Variants in SGCZ observed in about 807,000 individuals in gnomAD.
The protein encoded by SGCZ is sarcoglycan zeta.
In SGCZ, 40 loss-of-function variants were observed where a neutral mutation model predicts 41.3. That is an observed-to-expected ratio of 0.97 (90% CI 0.75 to 1.26). The LOEUF (loss-of-function observed/expected upper bound fraction) is 1.26, where lower values mean the gene tolerates loss of function less well. SGCZ is among the 50% of genes most tolerant of loss of function. SGCZ has a pLI of 0.00. For missense variants in SGCZ, 552 were observed against 369.8 expected (o/e 1.49, Z -4.04); for synonymous variants, 206 against 137.5 (o/e 1.50, Z -3.49).
intron 1 of SGCZ, among the ~76,000 whole-genome samples, chr8:14,653,824 T>C (rs1404764043): frequency 6.6e-6 from 1 of 152,090 alleles, no homozygotes; most frequent in Non-Finnish European, 1.5e-5. Context: ...AAACCCTCAG[T>C]TGTCTCAAAA....
intron 4 of SGCZ, among the ~76,000 whole-genome samples, chr8:14,206,453 T>C (rs538733739): frequency 6.9e-4 from 105 of 152,258 alleles, no homozygotes; most frequent in South Asian, 1.9e-3. Context: ...AAACATTAAA[T>C]AAATCACAGA....
chr8:14,606,728 C>G (rs1454195292), intron 1 of SGCZ, among the ~76,000 whole-genome samples: 3 of 152,138 alleles, frequency 2.0e-5, no homozygotes, highest in Admixed American at 6.6e-5. Context: ...ACAGCAAAAT[C>G]CCTGGCACAT....
At chr8:14,371,723 G>C (rs1400520684) in intron 2 of SGCZ, among the ~76,000 whole-genome samples, 1 of 152,076 alleles carries the variant, frequency 6.6e-6, no homozygotes, top group Non-Finnish European at 1.5e-5. Context: ...GTAACCTGGA[G>C]GTTATGCACT....
chr8:14,415,002 T>C (rs568489948), intron 2 of SGCZ, among the ~76,000 whole-genome samples: 4 of 151,884 alleles, frequency 2.6e-5, no homozygotes, highest in African/African-American at 9.7e-5. Context: ...TTTTGGAAAA[T>C]TGTGCTTAAT....
At chr8:14,428,546 C>T (rs1194638194) in intron 2 of SGCZ, among the ~76,000 whole-genome samples, 3 of 152,114 alleles carry the variant, frequency 2.0e-5, no homozygotes, top group African/African-American at 4.8e-5. Context: ...TGGTTATGAC[C>T]ATCATATCAT....
intron 2 of SGCZ, among the ~76,000 whole-genome samples, chr8:14,453,485 G>A (rs1800656927): frequency 6.6e-6 from 1 of 152,036 alleles, no homozygotes; most frequent in South Asian, 2.1e-4. Context: ...TTACAAATAA[G>A]TTGGATTCCA....
intron 5 of SGCZ, among the ~76,000 whole-genome samples, chr8:14,112,289 G>C (rs4517121): frequency 6.8e-6 from 1 of 148,070 alleles, no homozygotes. Context: ...TTTGTGGGGG[G>C]GGGGTGCAAA....
rs955671886 is a variant in SGCZ, at chr8:14,932,605, T to A, written c.39+304980A>T. 1.7e-4 allele frequency among the ~76,000 whole-genome samples: 26 copies of A among 151,952 alleles called. 1 individual carries two copies. Among genetic ancestry groups the A allele is most frequent in the African/African-American group, 6.1e-4 (25 of 41,258 alleles). On this transcript the variant is annotated intron_variant, in intron 1 of 7. Transcript: ENST00000382080. Reference sequence around the variant, plus strand: ...ACATATTTTACTAAAAGAACCATTATCCTCAGAATAGCTCTCAGCCAAGCA... The same window carrying A: ...ACATATTTTACTAAAAGAACCATTAACCTCAGAATAGCTCTCAGCCAAGCA...
intron 2 of SGCZ, among the ~76,000 whole-genome samples, chr8:14,450,788 G>C (rs905112219): frequency 3.9e-5 from 6 of 152,114 alleles, no homozygotes; most frequent in Non-Finnish European, 8.8e-5. Flanking sequence ...ATTTGGAGGA[G>C]AGCTCTGAAG....
In SGCZ at chr8:14,181,910, A is replaced by C. The variant is rs550798960; in HGVS notation, c.425-17208T>G. Among the ~76,000 whole-genome samples, 166 of 152,232 alleles carry C rather than the reference A, an allele frequency of 1.1e-3. 1 individual carries two copies. Among genetic ancestry groups the C allele is most frequent in the African/African-American group, 3.8e-3 (156 of 41,536 alleles). On this transcript the variant is annotated intron_variant, in intron 4 of 7. Transcript: ENST00000382080. Reference sequence around the variant, plus strand: ...TGATAAACACAGTAATTTTACAAACACCTTAAATTATTTGTTAACTCAGAG... The same window carrying C: ...TGATAAACACAGTAATTTTACAAACCCCTTAAATTATTTGTTAACTCAGAG...
intron 1 of SGCZ, among the ~76,000 whole-genome samples, chr8:15,135,671 A>T (rs574330728): frequency 7.2e-5 from 11 of 152,328 alleles, no homozygotes; most frequent in African/African-American, 2.6e-4. Context: ...TAAGCAAGTC[A>T]AACAGTGTTT....
At chr8:14,928,588 A>T (rs1202854738) in intron 1 of SGCZ, among the ~76,000 whole-genome samples, 2 of 152,234 alleles carry the variant, frequency 1.3e-5, no homozygotes, top group African/African-American at 4.8e-5. Context: ...ATGAAAACAA[A>T]GTAGTTTACA....
chr8:14,177,953 T>TTTTTC (rs1554472797), intron 4 of SGCZ, among the ~76,000 whole-genome samples: 4 of 71,604 alleles, frequency 5.6e-5, no homozygotes, highest in Non-Finnish European at 1.2e-4. Flanking sequence ...CTTTTCTTTT[T>TTTTTC]TTTTCTTTTT....
intron 1 of SGCZ, among the ~76,000 whole-genome samples, chr8:14,872,365 T>G (rs1404369802): frequency 2.0e-5 from 3 of 152,148 alleles, no homozygotes; most frequent in African/African-American, 7.2e-5. Context: ...TTTTCTATTG[T>G]TCTCACAAAT....
chr8:14,537,072 A>G (rs1243755333), intron 2 of SGCZ, among the ~76,000 whole-genome samples: 1 of 151,960 alleles, frequency 6.6e-6, no homozygotes, highest in African/African-American at 2.4e-5. Flanking sequence ...ACACAGCCCC[A>G]TCATGACTCT....
At chr8:14,845,218 G>C (rs1331776829) in intron 1 of SGCZ, among the ~76,000 whole-genome samples, 1 of 152,124 alleles carries the variant, frequency 6.6e-6, no homozygotes, top group East Asian at 1.9e-4. Flanking sequence ...AAAAACTTAT[G>C]ACTCATGGGC....
intron 3 of SGCZ, among the ~76,000 whole-genome samples, chr8:14,269,548 C>T (rs1799993364): frequency 6.6e-6 from 1 of 152,182 alleles, no homozygotes; most frequent in South Asian, 2.1e-4. Context: ...ATGATGCACA[C>T]TCCTTGGTAT....
At chr8:14,194,114 C>T (rs991654809) in intron 4 of SGCZ, among the ~76,000 whole-genome samples, 48 of 151,494 alleles carry the variant, frequency 3.2e-4, no homozygotes, top group Middle Eastern at 3.4e-3. Context: ...CAATATAATA[C>T]GTAAGAGATT....
intron 1 of SGCZ, among the ~76,000 whole-genome samples, chr8:14,887,757 G>T (rs1804865387): frequency 6.6e-6 from 1 of 152,138 alleles, no homozygotes; most frequent in South Asian, 2.1e-4. Context: ...CACTAGAAAT[G>T]TATGAAATCC....
Sources: gnomAD v4.1 joint callset for allele counts (sites outside exome capture counted in the v4.1 genomes callset) on GRCh38, gnomAD v4.1.1 for gene constraint, MANE v1.5 for transcripts, NCBI Gene and HGNC (gene_info 2026-07-23, HGNC 2026-07-21) for gene names.